TPTE: variants seen among roughly 807,000 people sequenced by gnomAD.
TPTE encodes putative tyrosine-protein phosphatase TPTE.
TPTE carries 59 observed loss-of-function variants against 84.1 expected under a neutral mutation model. That is an observed-to-expected ratio of 0.70 (90% CI 0.57 to 0.87). The LOEUF (loss-of-function observed/expected upper bound fraction) is 0.87. Ranked by LOEUF, TPTE falls within the 40% of genes least tolerant of loss-of-function variation. The probability of loss-of-function intolerance (pLI) is 0.00; values close to 1 mark genes in which losing one functional copy is unlikely to be tolerated. For missense variants in TPTE, 382 were observed against 659.6 expected, an observed-to-expected ratio of 0.58 and a Z score of 4.61; for synonymous variants, 130 against 223.5, an observed-to-expected ratio of 0.58 and a Z score of 3.73.
intron 14 of TPTE, among the ~76,000 whole-genome samples, chr21:10,572,450 CAAAAAAAAA>C (rs58796102): frequency 2.3e-5 from 3 of 131,986 alleles, no homozygotes; most frequent in Non-Finnish European, 5.0e-5. Flanking sequence ...AGACTGTATC[CAAAAAAAAA>C]AAAAAAAAAA....
chr21:10,569,316 G>C (rs2074991446), intron 11 of TPTE, 121 bp from the exon 12 acceptor site: 1 of 1,299,364 alleles, frequency 7.7e-7, no homozygotes, highest in Non-Finnish European at 1.1e-6. Context: ...TATCCCCCAG[G>C]TAGGTAATTG....
chr21:10,523,688 A>G (rs1446292171), intron 1 of TPTE, among the ~76,000 whole-genome samples: 2 of 152,298 alleles, frequency 1.3e-5, no homozygotes, highest in Non-Finnish European at 2.9e-5. Flanking sequence ...TTCTTAATCC[A>G]GTCTATCATT....
At chr21:10,567,035 CTA>C (rs2074935544) in intron 10 of TPTE, among the ~76,000 whole-genome samples, 2 of 150,686 alleles carry the variant, frequency 1.3e-5, no homozygotes, top group South Asian at 2.1e-4. Context: ...CTGGAGATCA[CTA>C]TGTTTGTTAA....
At chr21:10,588,530 G>C (rs1816127144) in intron 17 of TPTE, among the ~76,000 whole-genome samples, 1 of 152,306 alleles carries the variant, frequency 6.6e-6, no homozygotes, top group African/African-American at 2.4e-5. Context: ...GGTGCCGTCT[G>C]GCTTTATTGT....
chr21:10,526,343 C>T (rs2074078433), intron 2 of TPTE, among the ~76,000 whole-genome samples: 1 of 152,306 alleles, frequency 6.6e-6, no homozygotes, highest in Admixed American at 6.5e-5. Flanking sequence ...TCTATCTGTG[C>T]TTAAAGGTTG....
At chr21:10,563,121 A>T (rs1362926413) in intron 10 of TPTE, among the ~76,000 whole-genome samples, 497 of 152,144 alleles carry the variant, frequency 3.3e-3, no homozygotes, top group African/African-American at 0.011. Flanking sequence ...AAAGTGCTGA[A>T]GGAAAAAAAC....
chr21:10,562,450 T>G (rs1483419606), intron 10 of TPTE, among the ~76,000 whole-genome samples: 6 of 152,312 alleles, frequency 3.9e-5, no homozygotes, highest in Non-Finnish European at 1.5e-5. Flanking sequence ...AACAGAGATA[T>G]GTGACCTTTC....
intron 10 of TPTE, 133 bp from the exon 11 acceptor site, chr21:10,567,537 T>C (rs1187396959): frequency 1.3e-6 from 2 of 1,488,980 alleles, no homozygotes; most frequent in East Asian, 4.5e-5. Flanking sequence ...TAGTCTACTC[T>C]AGAAAATACA....
At chr21:10,542,536 C>G in intron 6 of TPTE, 88 bp downstream of exon 6, 1 of 1,274,622 alleles carries the variant, frequency 7.8e-7, no homozygotes, top group South Asian at 1.3e-5. Context: ...ATACCCCATC[C>G]ATCCATCCAT....
At chr21:10,522,233 G>T (rs1285324270) in intron 1 of TPTE, among the ~76,000 whole-genome samples, 2 of 152,292 alleles carry the variant, frequency 1.3e-5, no homozygotes, top group Non-Finnish European at 2.9e-5. Context: ...CTGCGCTTCC[G>T]CCCACGGGAA....
At chr21:10,529,451 A>G (rs1214405797) in intron 3 of TPTE, among the ~76,000 whole-genome samples, 1 of 152,312 alleles carries the variant, frequency 6.6e-6, no homozygotes, top group East Asian at 1.9e-4. Flanking sequence ...ACAAAAGTAG[A>G]CTGTGAGATT....
chr21:10,564,805 T>C (rs1164381230), intron 10 of TPTE, among the ~76,000 whole-genome samples: 1 of 152,312 alleles, frequency 6.6e-6, no homozygotes, highest in Non-Finnish European at 1.5e-5. Flanking sequence ...CAACATCCCT[T>C]CATGGTAAAC....
chr21:10,539,018 G>A (rs1191689469), intron 4 of TPTE, among the ~76,000 whole-genome samples: 1 of 152,310 alleles, frequency 6.6e-6, no homozygotes, highest in East Asian at 1.9e-4. Flanking sequence ...GCCTTTGTAG[G>A]TAACATTGCT....
At chr21:10,526,559 G>C (rs1476149811) in intron 2 of TPTE, among the ~76,000 whole-genome samples, 2 of 152,310 alleles carry the variant, frequency 1.3e-5, no homozygotes, top group Non-Finnish European at 2.9e-5. Flanking sequence ...AAATGTATGT[G>C]ATCAGTTTCT....
intron 17 of TPTE, among the ~76,000 whole-genome samples, chr21:10,581,959 C>A (rs2075279006): frequency 6.6e-6 from 1 of 152,428 alleles, no homozygotes; most frequent in African/African-American, 2.4e-5. Flanking sequence ...GGTCTCGAAC[C>A]CCTGGACTCA....
At chr21:10,524,179 T>C (rs538879967) in intron 1 of TPTE, among the ~76,000 whole-genome samples, 270 of 152,334 alleles carry the variant, frequency 1.8e-3, no homozygotes, top group Middle Eastern at 6.8e-3. Context: ...AGCAAGGGAG[T>C]CCCATCCCAT....
chr21:10,539,567 C>G (rs918442260), intron 4 of TPTE, among the ~76,000 whole-genome samples: 1 of 152,308 alleles, frequency 6.6e-6, no homozygotes, highest in Admixed American at 6.5e-5. Flanking sequence ...TCCAGTGGTA[C>G]AGAGTTTTGG....
intron 10 of TPTE, among the ~76,000 whole-genome samples, chr21:10,565,947 A>C (rs1268665755): frequency 2.0e-5 from 3 of 152,310 alleles, no homozygotes; most frequent in African/African-American, 7.2e-5. Context: ...CATTGGTCTG[A>C]GCAAAAATTA....
chr21:10,578,651 A>G (rs779105222), intron 17 of TPTE, 46 bp downstream of exon 17: 1 of 1,611,756 alleles, frequency 6.2e-7, no homozygotes, highest in Non-Finnish European at 8.5e-7. Context: ...AAGACATGTA[A>G]ATATACATAA....
Sources: allele counts gnomAD v4.1 joint callset (sites outside exome capture counted in the v4.1 genomes callset), GRCh38; gene constraint gnomAD v4.1.1; transcripts MANE v1.5; gene names NCBI Gene and HGNC (gene_info 2026-07-23, HGNC 2026-07-21).